The following SLC24A4 variants were observed in gnomAD, a reference collection of about 807,000 sequenced individuals.
SLC24A4 encodes sodium/potassium/calcium exchanger 4.
A neutral mutation model predicts 79.0 loss-of-function variants in SLC24A4; 53 were observed. The observed-to-expected ratio is 0.67, with a 90% confidence interval of 0.54 to 0.84. SLC24A4 has a LOEUF of 0.84. Ranked by LOEUF, SLC24A4 falls within the 40% of genes least tolerant of loss-of-function variation. SLC24A4 has a pLI of 0.00. For missense variants in SLC24A4, 731 were observed against 822.0 expected (o/e 0.89, Z 1.35); for synonymous variants, 323 against 323.8 (o/e 1.00, Z 0.03).
intron 2 of SLC24A4, among the ~76,000 whole-genome samples, chr14:92,370,798 A>G (rs1007974300): frequency 6.6e-6 from 1 of 152,172 alleles, no homozygotes; most frequent in Non-Finnish European, 1.5e-5. Context: ...GCCTCTTGTG[A>G]GAGTTTCCCC....
chr14:92,465,684 C>T (rs1157385940), intron 12 of SLC24A4, among the ~76,000 whole-genome samples: 4 of 152,150 alleles, frequency 2.6e-5, no homozygotes, highest in African/African-American at 7.2e-5. Context: ...ATCCCTGTGT[C>T]ACTCGACTGT....
intron 2 of SLC24A4, among the ~76,000 whole-genome samples, chr14:92,418,200 A>G (rs937059321): frequency 1.3e-5 from 2 of 152,212 alleles, no homozygotes; most frequent in Non-Finnish European, 2.9e-5. Context: ...AAGGAGAAAG[A>G]CTGCTCAACA....
chr14:92,423,704 A>G (rs539830538), intron 2 of SLC24A4, among the ~76,000 whole-genome samples: 3 of 152,336 alleles, frequency 2.0e-5, no homozygotes, highest in African/African-American at 4.8e-5. Flanking sequence ...GCGTTTGGTA[A>G]AGACTCAAAG....
chr14:92,343,620 C>CTT (rs1566699893), intron 2 of SLC24A4, among the ~76,000 whole-genome samples: 1 of 147,726 alleles, frequency 6.8e-6, no homozygotes, highest in Admixed American at 6.8e-5. Context: ...TTCTTTCTTT[C>CTT]TTTCTTTCTT....
intron 2 of SLC24A4, among the ~76,000 whole-genome samples, chr14:92,418,424 G>T (rs1891097740): frequency 6.6e-6 from 1 of 152,138 alleles, no homozygotes; most frequent in African/African-American, 2.4e-5. Flanking sequence ...CACTGGTCAG[G>T]GTTCTCCAGA....
At chr14:92,333,122 C>G (rs115270858) in intron 2 of SLC24A4, among the ~76,000 whole-genome samples, 3,407 of 152,236 alleles carry the variant, frequency 0.022, 116 homozygotes, top group African/African-American at 0.072. Context: ...TGGACAGAGT[C>G]TCACCCCCTC....
rs1595217832 is a variant in SLC24A4 at position 92,398,078 on chromosome 14, T to G, written c.242-35834T>G. Among the ~76,000 whole-genome samples, 1 of 152,304 alleles carries G rather than the reference T, an allele frequency of 6.6e-6. No homozygotes were observed. Among genetic ancestry groups the G allele is most frequent in the East Asian group, 1.9e-4 (1 of 5,178 alleles). On this transcript the variant is annotated intron_variant, in intron 2 of 16. Coordinates refer to ENST00000532405, the MANE Select transcript of SLC24A4 (RefSeq NM_153646.4). The surrounding 1 kb of genome is among the most constrained non-coding windows in gnomAD (Gnocchi z 4.1). The stretch of plus-strand genomic sequence containing the variant: ...TAGCCCTTTATCCTCTGCCTGGCCA[T>G]TGGGCAGTGAGGATCTGGGGCCGTG...
rs568162861 is a variant in SLC24A4, at chr14:92,338,345, CT to C, written c.241+12368del. The stretch of plus-strand genomic sequence containing the variant: ...GCAAAGTGCTGTGCAAATATGATTA[CT>C]ACTGTTTGCCTGACTGTAATAGATG... On this transcript the variant is annotated intron_variant, in intron 2 of 16. Coordinates refer to ENST00000532405, the MANE Select transcript of SLC24A4 (RefSeq NM_153646.4). Among the ~76,000 whole-genome samples the C allele has an allele frequency of 1.8e-3, 267 of 152,340 alleles. 1 individual carries two copies. Among genetic ancestry groups the C allele is most frequent in the Non-Finnish European group, 3.2e-3 (221 of 68,040 alleles).
At chr14:92,427,912 A>G (rs113272510) in intron 2 of SLC24A4, among the ~76,000 whole-genome samples, 3,730 of 152,024 alleles carry the variant, frequency 0.025, 65 homozygotes, top group Non-Finnish European at 0.037. Context: ...TATAAAAGAG[A>G]CCCCAGAGAG....
chr14:92,382,391 T>A (rs1888906332), intron 2 of SLC24A4, among the ~76,000 whole-genome samples: 1 of 152,124 alleles, frequency 6.6e-6, no homozygotes, highest in South Asian at 2.1e-4. Flanking sequence ...ATCTGTTCCA[T>A]GGGGATAATG....
intron 8 of SLC24A4, 26 bp from the exon 9 acceptor site, chr14:92,447,345 A>G: frequency 6.2e-7 from 1 of 1,613,442 alleles, no homozygotes; most frequent in Non-Finnish European, 8.5e-7. Context: ...CCGAGCTCTA[A>G]CCGCAATCTC....
rs1172321271 is a variant in SLC24A4, at chr14:92,433,911, G to A, written c.242-1G>A. The A allele has an allele frequency of 6.2e-7, 1 of 1,613,944 alleles. No individual in the cohort carries two copies. Among genetic ancestry groups the A allele is most frequent in the South Asian group, 1.1e-5 (1 of 91,078 alleles). ...CTCTGCCATCTCTTCCTGTCTTCCA[G>A]CGATTCACGAGTTCCCCACAGATCT... On this transcript the variant is annotated splice_acceptor_variant, in intron 2 of 16. Transcript: ENST00000532405. LOFTEE classifies it high-confidence loss of function.
intron 2 of SLC24A4, among the ~76,000 whole-genome samples, chr14:92,388,550 C>G (rs1295514160): frequency 6.6e-6 from 1 of 152,212 alleles, no homozygotes; most frequent in Non-Finnish European, 1.5e-5. Flanking sequence ...CGGCCTGGTT[C>G]GCCTCTCCCT....
chr14:92,440,041 C>A (rs1892403164), intron 4 of SLC24A4, among the ~76,000 whole-genome samples: 1 of 152,228 alleles, frequency 6.6e-6, no homozygotes, highest in Non-Finnish European at 1.5e-5. Context: ...ACCCTTCATC[C>A]CTGTGAAATC....
At chr14:92,343,665 C>T (rs1451998070) in intron 2 of SLC24A4, among the ~76,000 whole-genome samples, 147 of 125,668 alleles carry the variant, frequency 1.2e-3, no homozygotes, top group Middle Eastern at 3.9e-3. Context: ...TCCTTCCTTC[C>T]TTCCTTCCTT....
chr14:92,429,301 C>T (rs996369251), intron 2 of SLC24A4, among the ~76,000 whole-genome samples: 9 of 151,952 alleles, frequency 5.9e-5, no homozygotes, highest in East Asian at 1.9e-4. Context: ...GGTAGATACA[C>T]GACTGTAGGT....
chr14:92,425,143 G>A (rs992294461), intron 2 of SLC24A4, among the ~76,000 whole-genome samples: 1 of 152,190 alleles, frequency 6.6e-6, no homozygotes, highest in African/African-American at 2.4e-5. Flanking sequence ...GCTGTGTGAA[G>A]ACACAGGCAG....
intron 2 of SLC24A4, among the ~76,000 whole-genome samples, chr14:92,399,345 G>T (rs1889961359): frequency 2.0e-5 from 3 of 152,210 alleles, no homozygotes; most frequent in Admixed American, 2.0e-4. Context: ...CATGGAAACA[G>T]TTCAGATTAG....
intron 9 of SLC24A4, among the ~76,000 whole-genome samples, chr14:92,448,167 G>T (rs1415489482): frequency 6.6e-6 from 1 of 152,176 alleles, no homozygotes; most frequent in Non-Finnish European, 1.5e-5. Flanking sequence ...GGGGAGCAAA[G>T]AAGGAGGAAT....
Sources: gnomAD v4.1 joint callset for allele counts (sites outside exome capture counted in the v4.1 genomes callset) on GRCh38, gnomAD v4.1.1 for gene constraint, Gnocchi (gnomAD v3.1) non-coding constraint, MANE v1.5 for transcripts, NCBI Gene and HGNC (gene_info 2026-07-23, HGNC 2026-07-21) for gene names.